ZNF521: variants seen among roughly 807,000 people sequenced by gnomAD.
ZNF521 encodes zinc finger protein 521.
Under a neutral mutation model 105.5 loss-of-function variants are expected in ZNF521, and 14 were observed. That is an observed-to-expected ratio of 0.13 (90% CI 0.09 to 0.21). ZNF521 has a LOEUF of 0.21. Among genes scored for constraint, ZNF521 ranks in the 10% least tolerant of loss-of-function variants. ZNF521 has a pLI of 1.00. For synonymous variants in ZNF521, 635 were observed against 606.0 expected (o/e 1.05, Z -0.70); for missense variants, 1,233 against 1,629.7 (o/e 0.76, Z 4.19).
chr18:25,330,636 T>C (rs62082270), intron 2 of ZNF521, among the ~76,000 whole-genome samples: 12,835 of 152,312 alleles, frequency 0.084, 685 homozygotes, highest in Middle Eastern at 0.18. Flanking sequence ...AGACATTGAT[T>C]CTAATATCTC....
intron 3 of ZNF521, among the ~76,000 whole-genome samples, chr18:25,286,928 T>A (rs909153003): frequency 2.6e-5 from 4 of 152,152 alleles, no homozygotes; most frequent in African/African-American, 4.8e-5. Context: ...CTTTTGCAAA[T>A]TACATCATAT....
intron 3 of ZNF521, among the ~76,000 whole-genome samples, chr18:25,291,946 T>C (rs988790541): frequency 6.6e-5 from 10 of 151,246 alleles, no homozygotes; most frequent in Middle Eastern, 3.4e-3. Flanking sequence ...AAAAAAAAAA[T>C]CATCTTTTTA....
chr18:25,331,002 T>G (rs1913536200), intron 2 of ZNF521, among the ~76,000 whole-genome samples: 1 of 152,176 alleles, frequency 6.6e-6, no homozygotes, highest in South Asian at 2.1e-4. Flanking sequence ...ATACCCAGAG[T>G]CTTTTTGTAA....
chr18:25,209,063 T>C (rs1463050241), intron 4 of ZNF521, among the ~76,000 whole-genome samples: 2 of 152,212 alleles, frequency 1.3e-5, no homozygotes, highest in Admixed American at 6.5e-5. Flanking sequence ...TTCTAAATCA[T>C]GGCGTATCTT....
intron 7 of ZNF521, among the ~76,000 whole-genome samples, chr18:25,084,469 A>G (rs2054341075): frequency 6.6e-6 from 1 of 151,080 alleles, no homozygotes; most frequent in South Asian, 2.1e-4. Context: ...AGGAAATCAA[A>G]TAGCTATAGT....
rs1175859497 is a variant in ZNF521 at position 25,179,116 on chromosome 18, C to CTTTTTTTTTTTTTTTTTTTTTTTTT, written c.3658+16019_3658+16043dup. ...GACTTATACTTCTTTTTCTTTATTCCTTTTTTTTTTTTTTTTTTTTTTTTT... is the reference window on the plus strand; with the variant it reads ...GACTTATACTTCTTTTTCTTTATTCCTTTTTTTTTTTTTTTTTTTTTTTTTTTTTTTTTTTTTTTTTTTTTTTTTT... On this transcript the variant is annotated intron_variant, in intron 5 of 7. Transcript: ENST00000361524. Among the ~76,000 whole-genome samples the CTTTTTTTTTTTTTTTTTTTTTTTTT allele has an allele frequency of 3.2e-4, 17 of 52,484 alleles. 5 individuals carry two copies. Among genetic ancestry groups the CTTTTTTTTTTTTTTTTTTTTTTTTT allele is most frequent in the East Asian group, 1.2e-3 (2 of 1,626 alleles). The allele number at this position is 52,484 out of a possible 152,430, so 34.4% of individuals were successfully genotyped here.
At chr18:25,217,579 T>C (rs1905409632) in intron 4 of ZNF521, among the ~76,000 whole-genome samples, 2 of 152,166 alleles carry the variant, frequency 1.3e-5, no homozygotes, top group Non-Finnish European at 2.9e-5. Context: ...ATGAAAAATC[T>C]AGGTGGTCAT....
intron 5 of ZNF521, among the ~76,000 whole-genome samples, chr18:25,107,919 T>C (rs1035032842): frequency 6.6e-6 from 1 of 152,226 alleles, no homozygotes; most frequent in African/African-American, 2.4e-5. Flanking sequence ...TGCTGTGGAA[T>C]AGATCCGCAA....
chr18:25,258,559 C>T (rs1273243126), intron 3 of ZNF521, among the ~76,000 whole-genome samples: 3 of 152,138 alleles, frequency 2.0e-5, no homozygotes, highest in South Asian at 4.1e-4. Flanking sequence ...AGAAATGTGT[C>T]GGAAGCTGAG....
At chr18:25,237,382 G>A (rs771280776) in intron 3 of ZNF521, among the ~76,000 whole-genome samples, 17 of 151,972 alleles carry the variant, frequency 1.1e-4, no homozygotes, top group Admixed American at 6.6e-4. Context: ...ACTTTATGAC[G>A]CTACTTTCTA....
At chr18:25,084,827 C>T (rs2033585262) in intron 7 of ZNF521, among the ~76,000 whole-genome samples, 1 of 152,146 alleles carries the variant, frequency 6.6e-6, no homozygotes, top group Non-Finnish European at 1.5e-5. Context: ...ACCAATTAAA[C>T]AGCAATTAGT....
intron 3 of ZNF521, among the ~76,000 whole-genome samples, chr18:25,228,473 A>G (rs979914346): frequency 2.0e-5 from 3 of 152,240 alleles, no homozygotes; most frequent in African/African-American, 7.2e-5. Context: ...TGAGAGTTTC[A>G]CAAGGGCCAG....
chr18:25,347,534 C>A (rs1177315324), intron 2 of ZNF521, among the ~76,000 whole-genome samples: 1 of 152,084 alleles, frequency 6.6e-6, no homozygotes, highest in East Asian at 1.9e-4. Context: ...GTAAGTAGAC[C>A]AACCAGGACC....
intron 5 of ZNF521, among the ~76,000 whole-genome samples, chr18:25,191,929 G>A (rs1379454694): frequency 1.3e-5 from 2 of 152,098 alleles, no homozygotes; most frequent in African/African-American, 4.8e-5. Context: ...GGGTGAATAG[G>A]AAATTAAAGC....
At chr18:25,254,228 T>C (rs571178525) in intron 3 of ZNF521, among the ~76,000 whole-genome samples, 1 of 152,186 alleles carries the variant, frequency 6.6e-6, no homozygotes, top group African/African-American at 2.4e-5. Flanking sequence ...GCAATAAAAA[T>C]CAATGAAGCA....
intron 5 of ZNF521, among the ~76,000 whole-genome samples, chr18:25,193,864 T>G (rs1182271321): frequency 6.6e-6 from 1 of 151,926 alleles, no homozygotes; most frequent in East Asian, 1.9e-4. Context: ...AGCTGTTATG[T>G]ATAAGTTCCA....
intron 3 of ZNF521, among the ~76,000 whole-genome samples, chr18:25,258,093 T>C (rs1908647011): frequency 6.6e-6 from 1 of 152,224 alleles, no homozygotes; most frequent in Admixed American, 6.5e-5. Flanking sequence ...AAGACAATTC[T>C]ATACTACATT....
chr18:25,251,800 A>C (rs909181054), intron 3 of ZNF521, among the ~76,000 whole-genome samples: 2 of 151,898 alleles, frequency 1.3e-5, no homozygotes, highest in Non-Finnish European at 2.9e-5. Flanking sequence ...TTCCTTATAC[A>C]AGGAATAATT....
chr18:25,306,582 C>T (rs1911991670), intron 3 of ZNF521, among the ~76,000 whole-genome samples: 1 of 152,126 alleles, frequency 6.6e-6, no homozygotes. Context: ...CAAAATGCCT[C>T]ATATTGAAAG....
Sources: gnomAD v4.1 joint callset for allele counts (sites outside exome capture counted in the v4.1 genomes callset) on GRCh38, gnomAD v4.1.1 for gene constraint, MANE v1.5 for transcripts, NCBI Gene and HGNC (gene_info 2026-07-23, HGNC 2026-07-21) for gene names.